The following TPTE2 variants were observed in gnomAD, a reference collection of about 807,000 sequenced individuals.
The protein encoded by TPTE2 is transmembrane phosphoinositide 3-phosphatase and tensin homolog 2, also known as phosphatidylinositol 3,4,5-trisphosphate 3-phosphatase TPTE2.
TPTE2 carries 53 observed loss-of-function variants against 78.6 expected under a neutral mutation model. The observed-to-expected ratio is 0.67, with a 90% CI of 0.54 to 0.85. The LOEUF (loss-of-function observed/expected upper bound fraction) is 0.85, where lower values mean the gene tolerates loss of function less well. Among genes scored for constraint, TPTE2 ranks in the 40% least tolerant of loss-of-function variants. The pLI is 0.00. For missense variants in TPTE2, 461 were observed against 623.0 expected (o/e 0.74, Z 2.77); for synonymous variants, 175 against 206.2 (o/e 0.85, Z 1.30).
intron 1 of TPTE2, among the ~76,000 whole-genome samples, chr13:19,516,053 A>G (rs1869771094): frequency 6.6e-6 from 1 of 152,228 alleles, no homozygotes; most frequent in Non-Finnish European, 1.5e-5. Flanking sequence ...AGCTAGCTAA[A>G]TTGCCCTCTA....
chr13:19,428,599 T>TA (rs942088075), intron 17 of TPTE2, among the ~76,000 whole-genome samples: 1 of 151,878 alleles, frequency 6.6e-6, no homozygotes, highest in African/African-American at 2.4e-5. Context: ...CTGGGCAACA[T>TA]AGCAAGTCCC....
intron 1 of TPTE2, among the ~76,000 whole-genome samples, chr13:19,502,072 GA>G (rs1868603492): frequency 3.6e-5 from 1 of 28,006 alleles, no homozygotes; most frequent in Admixed American, 4.5e-4. Context: ...GGCCATCAGA[GA>G]AATGCAAATC....
chr13:19,451,176 T>C lies in TPTE2; in HGVS notation c.791A>G (p.Tyr264Cys), dbSNP rs779667870. Residue 264 changes from tyrosine (Y) to cysteine (C), a missense_variant, in exon 11 of 20, where the codon TAC (tyrosine) becomes TGC (cysteine). Physicochemically the swap from Tyr to Cys is radical, Grantham distance 194. Coordinates refer to ENST00000400230, the Ensembl canonical transcript of TPTE2. ...AGTAATGTACATACTGCATAGATTGTAGACTCGATAGTGGTTTCGATGTTT... is the reference window on the plus strand; with the variant it reads ...AGTAATGTACATACTGCATAGATTGCAGACTCGATAGTGGTTTCGATGTTT... 12 of 1,613,364 alleles carry C rather than the reference T, an allele frequency of 7.4e-6. No homozygotes were observed. In the East Asian group the frequency reaches 1.3e-4, roughly 18 times the overall value.
At chr13:19,503,694 G>A (rs1868781374), upstream of TPTE2, among the ~76,000 whole-genome samples, 1 of 152,098 alleles carries the variant, frequency 6.6e-6, no homozygotes, top group Non-Finnish European at 1.5e-5. Flanking sequence ...GTAACTGCAG[G>A]TCTGAGTCAA....
chr13:19,513,807 C>G (rs1002500079), intron 1 of TPTE2, among the ~76,000 whole-genome samples: 10 of 152,150 alleles, frequency 6.6e-5, no homozygotes, highest in Non-Finnish European at 5.9e-5. Flanking sequence ...GCAAATTTAA[C>G]TTAAATTTGC....
upstream of TPTE2, among the ~76,000 whole-genome samples, chr13:19,504,915 A>T (rs1868898541): frequency 6.6e-6 from 1 of 151,842 alleles, no homozygotes; most frequent in Non-Finnish European, 1.5e-5. Context: ...CTGCACATAC[A>T]TTTCTTTACA....
chr13:19,506,448 C>A (rs1019999713), upstream of TPTE2, among the ~76,000 whole-genome samples: 6 of 152,080 alleles, frequency 3.9e-5, no homozygotes, highest in Admixed American at 3.9e-4. Context: ...GCTGGGATTA[C>A]AGGCGTGAGC....
At chr13:19,471,867 G>A (rs1331685754) in intron 6 of TPTE2, among the ~76,000 whole-genome samples, 2 of 152,084 alleles carry the variant, frequency 1.3e-5, no homozygotes, top group African/African-American at 2.4e-5. Context: ...GTCTGGTGTT[G>A]ACAAAATCCC....
At chr13:19,497,350 CACAG>C (rs1881411797) in intron 1 of TPTE2, among the ~76,000 whole-genome samples, 1 of 136,308 alleles carries the variant, frequency 7.3e-6, no homozygotes, top group Non-Finnish European at 1.6e-5. Context: ...GGGGGCAGGG[CACAG>C]ACAAACAAAA....
chr13:19,467,469 T>C (rs1235072912), intron 6 of TPTE2, 125 bp from the exon 10 acceptor site: 5 of 774,132 alleles, frequency 6.5e-6, no homozygotes, highest in African/African-American at 1.8e-5. Flanking sequence ...TTATTTAAAA[T>C]GTATTTTCTA....
chr13:19,444,471 C>CA (rs1005407162), intron 13 of TPTE2, among the ~76,000 whole-genome samples: 21 of 149,692 alleles, frequency 1.4e-4, no homozygotes, highest in South Asian at 2.1e-4. Flanking sequence ...TAAATAGCCA[C>CA]AAAAAAAATC....
chr13:19,451,178 G>A (rs1878156177), exon 11 of TPTE2: 2 of 1,613,350 alleles, frequency 1.2e-6, no homozygotes, highest in Non-Finnish European at 1.7e-6. Context: ...ATAGATTGTA[G>A]ACTCGATAGT....
chr13:19,519,345 G>C (rs1870006532), intron 1 of TPTE2, among the ~76,000 whole-genome samples: 1 of 152,000 alleles, frequency 6.6e-6, no homozygotes, highest in Non-Finnish European at 1.5e-5. Context: ...GAAAAAAAAA[G>C]AAATCATTAC....
chr13:19,541,513 C>T (rs1022040219), upstream of TPTE2, among the ~76,000 whole-genome samples: 4 of 152,244 alleles, frequency 2.6e-5, no homozygotes, highest in Admixed American at 2.0e-4. Context: ...TTATCCTGCT[C>T]TTATTTATAA....
chr13:19,455,984 C>G (rs1485441760), intron 10 of TPTE2, among the ~76,000 whole-genome samples: 4 of 151,974 alleles, frequency 2.6e-5, no homozygotes, highest in African/African-American at 9.7e-5. Flanking sequence ...GGGAACAGGG[C>G]AAGGTTGCCT....
At chr13:19,424,889 C>T (rs1875903304) in intron 19 of TPTE2, 58 bp downstream of exon 22, 4 of 1,080,140 alleles carry the variant, frequency 3.7e-6, no homozygotes, top group East Asian at 2.7e-5. Flanking sequence ...TGCCATTACA[C>T]CTTATTTATA....
At chr13:19,506,160 CTTTT>C (rs71092369), upstream of TPTE2, among the ~76,000 whole-genome samples, 9 of 32,860 alleles carry the variant, frequency 2.7e-4, no homozygotes, top group South Asian at 2.9e-3. Flanking sequence ...GTATATAAAT[CTTTT>C]TTTTTTTTTT....
chr13:19,439,787 T>A (rs1464108531), intron 13 of TPTE2, among the ~76,000 whole-genome samples: 2 of 152,166 alleles, frequency 1.3e-5, no homozygotes, highest in Admixed American at 6.5e-5. Context: ...ACTAAAAAAA[T>A]TCACTTAAGG....
the TPTE2 span, among the ~76,000 whole-genome samples, chr13:19,552,105 A>G: frequency 6.6e-6 from 1 of 152,184 alleles, no homozygotes; most frequent in Non-Finnish European, 1.5e-5. Flanking sequence ...AAAGCCTACT[A>G]TGTTTTTGCT....
Sources: gnomAD v4.1 joint callset for allele counts (sites outside exome capture counted in the v4.1 genomes callset) on GRCh38, gnomAD v4.1.1 for gene constraint, MANE v1.5 for transcripts, NCBI Gene and HGNC (gene_info 2026-07-23, HGNC 2026-07-21) for gene names.